TLE2: variants seen among roughly 807,000 people sequenced by gnomAD.
TLE2 encodes transducin-like enhancer protein 2.
Under a neutral mutation model 97.2 loss-of-function variants are expected in TLE2, and 74 were observed. The observed-to-expected ratio is 0.76, with a 90% CI of 0.63 to 0.92. The LOEUF is 0.92. TLE2 is among the 40% of genes least tolerant of loss of function. TLE2 has a pLI of 0.00. For synonymous variants in TLE2, 499 were observed against 432.1 expected, an observed-to-expected ratio of 1.15 and a Z score of -1.92; for missense variants, 1,038 against 1,008.7, an observed-to-expected ratio of 1.03 and a Z score of -0.39.
chr19:3,043,407 A>G (rs306044), intron 1 of TLE2, among the ~76,000 whole-genome samples: 84,502 of 132,114 alleles, frequency 0.64, 27,178 homozygotes, highest in African/African-American at 0.77. Flanking sequence ...TCGAACGCCT[A>G]ACCTCGTGAT....
chr19:3,013,203 G>C (rs1303809888), intron 11 of TLE2, among the ~76,000 whole-genome samples: 1 of 152,040 alleles, frequency 6.6e-6, no homozygotes, highest in Non-Finnish European at 1.5e-5. Flanking sequence ...CACATGCCTG[G>C]CATTAAACTC....
rs372326540 is a variant in TLE2 at position 3,008,980 on chromosome 19, G to A, written c.1174-35C>T. On this transcript the variant is annotated intron_variant, in intron 13 of 19. Coordinates refer to ENST00000262953, the MANE Select transcript of TLE2 (RefSeq NM_003260.5). ...TGCCAGGGGGGTGTCAGTGAGGCAG[G>A]TGACTCCAACCCACCTCTGTGCCAC... 418 of 1,526,496 alleles carry A rather than the reference G, an allele frequency of 2.7e-4. 1 individual carries two copies. The highest frequency in any genetic ancestry group is 4.2e-4 in the Admixed American group (21 of 50,500). The allele number at this position is 1,526,496 out of a possible 1,614,324, so 94.6% of individuals were successfully genotyped here.
At chr19:3,002,735 G>A (rs1444805320) in intron 17 of TLE2, among the ~76,000 whole-genome samples, 1 of 151,594 alleles carries the variant, frequency 6.6e-6, no homozygotes, top group East Asian at 1.9e-4. Flanking sequence ...GTCTCACTGT[G>A]TCACCCAGGC....
At chr19:3,015,360 A>T (rs2089679670) in intron 9 of TLE2, among the ~76,000 whole-genome samples, 1 of 152,248 alleles carries the variant, frequency 6.6e-6, no homozygotes. Flanking sequence ...TTCTTGATAG[A>T]AAAATGGGTT....
At chr19:3,032,812 C>A (rs77862852), upstream of TLE2, among the ~76,000 whole-genome samples, 92 of 152,290 alleles carry the variant, frequency 6.0e-4, 1 homozygote, top group African/African-American at 2.2e-3. This position sits in a 1 kb window ranked among gnomAD's most constrained non-coding sequence, Gnocchi z 4.1. Context: ...TGATTCCAAA[C>A]CCTTTCCGGC....
intron 4 of TLE2, among the ~76,000 whole-genome samples, chr19:3,025,848 A>G (rs2089934563): frequency 6.6e-6 from 1 of 152,044 alleles, no homozygotes; most frequent in Non-Finnish European, 1.5e-5. Context: ...CCATGGGACC[A>G]CGCCATGCTT....
chr19:3,014,534 C>A, intron 10 of TLE2, 36 bp downstream of exon 10: 1 of 1,543,092 alleles, frequency 6.5e-7, no homozygotes, highest in South Asian at 1.2e-5. Context: ...TGCTCTGTGC[C>A]CAGAGTCGGG....
chr19:3,008,598 C>G (rs12461133), intron 14 of TLE2, among the ~76,000 whole-genome samples: 22,139 of 152,064 alleles, frequency 0.15, 1,858 homozygotes, highest in East Asian at 0.25. Context: ...TTACAGGTGC[C>G]CGCCACCACG....
intron 4 of TLE2, among the ~76,000 whole-genome samples, chr19:3,026,265 G>T (rs1252211130): frequency 2.0e-5 from 3 of 151,870 alleles, no homozygotes; most frequent in Non-Finnish European, 4.4e-5. Context: ...TGGCCAACAT[G>T]GAGAAACCCC....
At chr19:3,000,437 A>G (rs545145043) in intron 19 of TLE2, among the ~76,000 whole-genome samples, 2 of 152,216 alleles carry the variant, frequency 1.3e-5, no homozygotes, top group South Asian at 4.1e-4. Context: ...AGAAAAACCA[A>G]CAGGCTACGG....
intron 9 of TLE2, 26 bp downstream of exon 9, chr19:3,015,627 C>G (rs764330571): frequency 1.9e-6 from 3 of 1,564,496 alleles, no homozygotes; most frequent in Non-Finnish European, 2.6e-6. Context: ...CACGCCCATC[C>G]CAGTCCTGCA....
intron 11 of TLE2, 57 bp from the exon 12 acceptor site, chr19:3,011,217 C>A (rs2089588615): frequency 2.7e-6 from 4 of 1,505,072 alleles, no homozygotes; most frequent in African/African-American, 2.8e-5. Context: ...TGTGGCCCAA[C>A]GATCTGATCA....
intron 16 of TLE2, 47 bp from the exon 17 acceptor site, chr19:3,005,631 C>G (rs1464862387): frequency 6.2e-7 from 1 of 1,609,738 alleles, no homozygotes; most frequent in East Asian, 2.2e-5. Context: ...TCGAGCTGCC[C>G]CAGCATCGTC....
At chr19:3,039,362 CCT>C (rs1360991447) in intron 1 of TLE2, among the ~76,000 whole-genome samples, 1 of 152,104 alleles carries the variant, frequency 6.6e-6, no homozygotes, top group East Asian at 1.9e-4. Flanking sequence ...TCGCCTCCCT[CCT>C]CTCACCTCCT....
At chr19:3,009,429 G>C (rs1274038473) in intron 13 of TLE2, 113 bp downstream of exon 13, 2 of 1,293,688 alleles carry the variant, frequency 1.5e-6, no homozygotes, top group African/African-American at 3.0e-5. Context: ...CTGAGCCAGG[G>C]CTCCCTTCCC....
Position 3,028,876 on chromosome 19 carries a change from C to A in TLE2, c.24+5G>T. On this transcript the variant is annotated splice_donor_5th_base_variant and intron_variant, in intron 1 of 19. Transcript: ENST00000262953. ...GGGGGCCCCCTCCCCGCAGTCCGCA[C>A]TCACCGGGTGCCTTCCCTGGGGGTA... 6.2e-7 allele frequency: 1 copy of A among 1,611,368 alleles called. No individual in the cohort carries two copies. The highest frequency in any genetic ancestry group is 1.1e-5 in the South Asian group (1 of 91,026).
At chr19:3,024,609 C>T (rs958770890) in intron 5 of TLE2, among the ~76,000 whole-genome samples, 5 of 152,126 alleles carry the variant, frequency 3.3e-5, no homozygotes, top group African/African-American at 9.7e-5. Context: ...GCTGAGTAAG[C>T]GTACCCATCA....
In TLE2 at chr19:3,025,018, ACCT is replaced by A; in HGVS notation, c.293_294+1del. The A allele has an allele frequency of 6.4e-7, 1 of 1,558,564 alleles. No homozygotes were observed. The highest frequency in any genetic ancestry group is 1.2e-5 in the South Asian group (1 of 83,638). On this transcript the variant is annotated splice_donor_variant and coding_sequence_variant, in exon 5 of 20. Transcript: ENST00000262953. LOFTEE classifies it high-confidence loss of function. The stretch of plus-strand genomic sequence containing the variant: ...CCTCCCCCCACCCCCAGGCCCACTC[ACCT>A]CCTGGGTCAGGAAGGGGATAATCTG...
upstream of TLE2, among the ~76,000 whole-genome samples, chr19:3,031,108 G>A (rs147423756): frequency 6.2e-4 from 95 of 152,264 alleles, no homozygotes; most frequent in African/African-American, 2.2e-3. Context: ...GAGTTTGTGG[G>A]ATGTGAGTGA....
Sources: gnomAD v4.1 joint callset for allele counts (sites outside exome capture counted in the v4.1 genomes callset) on GRCh38, gnomAD v4.1.1 for gene constraint, Gnocchi (gnomAD v3.1) non-coding constraint, MANE v1.5 for transcripts, NCBI Gene and HGNC (gene_info 2026-07-23, HGNC 2026-07-21) for gene names.